ACSF3: variants seen among roughly 807,000 people sequenced by gnomAD.
ACSF3 encodes the protein malonate--CoA ligase ACSF3, mitochondrial.
ACSF3 carries 78 observed loss-of-function variants against 53.2 expected under a neutral mutation model. That is an observed-to-expected ratio of 1.47 (90% CI 1.22 to 1.77). ACSF3 has a LOEUF of 1.77. Among genes scored for constraint, ACSF3 ranks in the 40% most tolerant of loss-of-function variants. ACSF3 has a pLI of 0.00. For synonymous variants in ACSF3, 414 were observed against 333.1 expected (o/e 1.24, Z -2.65); for missense variants, 937 against 771.1 (o/e 1.22, Z -2.55).
At chr16:89,116,421 A>C (rs1334573155) in intron 6 of ACSF3, among the ~76,000 whole-genome samples, 1 of 152,172 alleles carries the variant, frequency 6.6e-6, no homozygotes, top group African/African-American at 2.4e-5. Context: ...GGGGCCTGCA[A>C]GGTGAGTGTG....
intron 2 of ACSF3, among the ~76,000 whole-genome samples, chr16:89,099,344 C>T (rs977581918): frequency 1.3e-5 from 2 of 152,234 alleles, no homozygotes; most frequent in African/African-American, 2.4e-5. Flanking sequence ...TTCCAGTGGA[C>T]GGCGGGCCCG....
intron 4 of ACSF3, among the ~76,000 whole-genome samples, chr16:89,111,384 C>T (rs934748848): frequency 2.0e-5 from 3 of 152,258 alleles, no homozygotes; most frequent in Non-Finnish European, 4.4e-5. Context: ...CGGCATCCGT[C>T]GACCCCAGTT....
Position 89,156,189 on chromosome 16 carries a change from A to C in ACSF3, c.*1982A>C, listed in dbSNP as rs1227606387. ...CGAGAACAAGCCCGTCCTGGAGGGA[A>C]CTCATCCTCTCCTCCCTCCCCATTA... On this transcript the variant is annotated 3_prime_UTR_variant, in exon 11 of 11. Transcript: ENST00000614302. Among the ~76,000 whole-genome samples, 1 of 151,514 alleles carries C rather than the reference A, an allele frequency of 6.6e-6. No homozygotes were observed.
chr16:89,140,503 G>A (rs1401595038), intron 8 of ACSF3, among the ~76,000 whole-genome samples: 2 of 152,228 alleles, frequency 1.3e-5, no homozygotes, highest in African/African-American at 2.4e-5. Flanking sequence ...CTGGGGCCAA[G>A]CTTCACATTC....
intron 7 of ACSF3, among the ~76,000 whole-genome samples, chr16:89,127,123 C>A (rs1189399415): frequency 6.6e-6 from 1 of 151,502 alleles, no homozygotes; most frequent in East Asian, 2.0e-4. Flanking sequence ...GATTTGCTAG[C>A]ATATTGCTGA....
At chr16:89,127,335 A>T (rs1174789223) in intron 7 of ACSF3, among the ~76,000 whole-genome samples, 1 of 151,938 alleles carries the variant, frequency 6.6e-6, no homozygotes, top group South Asian at 2.1e-4. Context: ...CAATGAAATC[A>T]TCTGGGCCTA....
intron 8 of ACSF3, among the ~76,000 whole-genome samples, chr16:89,134,103 G>C (rs539833383): frequency 1.1e-3 from 165 of 152,360 alleles, no homozygotes; most frequent in African/African-American, 3.7e-3. Flanking sequence ...GATAGCGGAC[G>C]TATGTGGATG....
At chr16:89,111,192 G>A (rs1419203888) in intron 4 of ACSF3, among the ~76,000 whole-genome samples, 1 of 152,246 alleles carries the variant, frequency 6.6e-6, no homozygotes, top group Non-Finnish European at 1.5e-5. Flanking sequence ...TTCAGTTGGG[G>A]ATCACATCTT....
chr16:89,093,970 T>C lies in ACSF3; in HGVS notation c.-220T>C. The C allele has an allele frequency of 3.9e-6, 1 of 253,534 alleles. No individual in the cohort carries two copies. The highest frequency in any genetic ancestry group is 8.5e-6 in the Non-Finnish European group (1 of 117,100). 15.7% of individuals were successfully genotyped at this position (253,534 alleles called of 1,614,324 possible). ...GGAAGAGTTGTGGCGAGGCAGATCC[T>C]GCCCCGTGGCCGCGGCCGTCTCGTA... is the stretch of plus-strand genomic sequence containing the variant. On this transcript the variant is annotated 5_prime_UTR_variant, in exon 1 of 11. Transcript: ENST00000614302.
At chr16:89,151,611 AT>A (rs756846678) in intron 10 of ACSF3, 2,194 of 67,962 alleles carry the variant, frequency 0.032, no homozygotes, top group South Asian at 0.081. Context: ...TTCACCATAT[AT>A]TTTTTTTTTT....
intron 6 of ACSF3, 146 bp downstream of exon 6, chr16:89,114,633 C>G: frequency 1.7e-6 from 2 of 1,208,328 alleles, no homozygotes; most frequent in South Asian, 1.3e-5. Flanking sequence ...CAGGAGAGCA[C>G]TCAGGATGCA....
At position 89,155,649 on chromosome 16, in the gene ACSF3, G is replaced by T. The variant is rs1914640081; in HGVS notation, c.*1442G>T. Reference sequence around the variant, plus strand: ...GAGGCCTGGACCCAAGGGAACGGCAGTCAGAGACTACAGTCCAGACGTTTG... The same window carrying T: ...GAGGCCTGGACCCAAGGGAACGGCATTCAGAGACTACAGTCCAGACGTTTG... On this transcript the variant is annotated 3_prime_UTR_variant, in exon 11 of 11. Transcript: ENST00000614302. 1 of 454,004 alleles carries T rather than the reference G, an allele frequency of 2.2e-6. No homozygotes were observed. Among genetic ancestry groups the T allele is most frequent in the Non-Finnish European group, 4.4e-6 (1 of 226,788 alleles). 28.1% of individuals were successfully genotyped at this position (454,004 alleles called of 1,614,324 possible). A position where few individuals can be genotyped will look rare whatever the true frequency, so the allele number is the denominator to read the frequency against.
chr16:89,139,100 T>C (rs1911210816), intron 8 of ACSF3, among the ~76,000 whole-genome samples: 1 of 152,182 alleles, frequency 6.6e-6, no homozygotes, highest in African/African-American at 2.4e-5. Context: ...CTCAGTCCCG[T>C]ATGGCATCTG....
chr16:89,132,108 C>T (rs928334054), intron 7 of ACSF3, among the ~76,000 whole-genome samples: 2 of 152,288 alleles, frequency 1.3e-5, no homozygotes, highest in South Asian at 2.1e-4. Context: ...GTTGGCCCCA[C>T]GGCGTTTGAG....
intron 8 of ACSF3, among the ~76,000 whole-genome samples, chr16:89,135,998 C>T (rs893946205): frequency 1.3e-5 from 2 of 152,256 alleles, no homozygotes; most frequent in South Asian, 2.1e-4. Context: ...TGGTCTCGAG[C>T]TCCTGGCCTC....
intron 6 of ACSF3, 47 bp downstream of exon 6, chr16:89,114,534 GC>G: frequency 6.2e-7 from 1 of 1,603,050 alleles, no homozygotes. Context: ...TGTGCTCTGA[GC>G]CCCCCAAGGT....
chr16:89,120,203 CTG>C (rs1283562597), intron 6 of ACSF3, among the ~76,000 whole-genome samples: 1 of 152,230 alleles, frequency 6.6e-6, no homozygotes, highest in Non-Finnish European at 1.5e-5. Context: ...CACGTTGAGA[CTG>C]TGCAGGTGGG....
chr16:89,111,396 C>T (rs1485235357), intron 4 of ACSF3, among the ~76,000 whole-genome samples: 2 of 152,268 alleles, frequency 1.3e-5, no homozygotes, highest in Admixed American at 1.3e-4. Flanking sequence ...ACCCCAGTTT[C>T]AACGCCGTGT....
At chr16:89,143,840 T>C (rs764650870) in intron 8 of ACSF3, among the ~76,000 whole-genome samples, 6 of 152,198 alleles carry the variant, frequency 3.9e-5, no homozygotes, top group Non-Finnish European at 8.8e-5. Context: ...TCTTGTTTAA[T>C]AGACTGAGGA....
Sources: gnomAD v4.1 joint callset for allele counts (sites outside exome capture counted in the v4.1 genomes callset) on GRCh38, gnomAD v4.1.1 for gene constraint, MANE v1.5 for transcripts, NCBI Gene and HGNC (gene_info 2026-07-23, HGNC 2026-07-21) for gene names.